CYB5B: variants seen among roughly 807,000 people sequenced by gnomAD.
The protein encoded by CYB5B is cytochrome b5 type B, also known as cytochrome b5 type B (outer mitochondrial membrane).
Under a neutral mutation model 21.3 loss-of-function variants are expected in CYB5B, and 14 were observed. The ratio of observed to expected loss-of-function variants is 0.66; its 90% CI spans 0.43 to 1.03. CYB5B has a LOEUF of 1.03. Ranked by LOEUF, CYB5B falls within the 50% of genes least tolerant of loss-of-function variation. The probability of loss-of-function intolerance (pLI) is 0.00; values close to 1 mark genes in which losing one functional copy is unlikely to be tolerated. For missense variants in CYB5B, 166 were observed against 185.1 expected, an observed-to-expected ratio of 0.90 and a Z score of 0.60; for synonymous variants, 69 against 68.4, an observed-to-expected ratio of 1.01 and a Z score of -0.04.
chr16:69,432,351 A>G (rs1210418001), intron 1 of CYB5B, among the ~76,000 whole-genome samples: 1 of 152,242 alleles, frequency 6.6e-6, no homozygotes, highest in Non-Finnish European at 1.5e-5. Flanking sequence ...ATGGTATTCA[A>G]TAAATTACAT....
chr16:69,441,231 G>A (rs1273883392), intron 1 of CYB5B, among the ~76,000 whole-genome samples: 2 of 145,898 alleles, frequency 1.4e-5, no homozygotes, highest in Non-Finnish European at 3.0e-5. Flanking sequence ...TCAGCTCACT[G>A]CAACCTCCGC....
intron 1 of CYB5B, among the ~76,000 whole-genome samples, chr16:69,435,844 G>C (rs1245750267): frequency 6.6e-6 from 1 of 152,056 alleles, no homozygotes; most frequent in Non-Finnish European, 1.5e-5. Context: ...TCCCCATGTT[G>C]GTCAGGCTGG....
chr16:69,451,553 A>G (rs1270015421), intron 3 of CYB5B, among the ~76,000 whole-genome samples: 2 of 152,154 alleles, frequency 1.3e-5, no homozygotes, highest in Non-Finnish European at 2.9e-5. Context: ...CTTGTAGTCA[A>G]ATAGGTCTAG....
At chr16:69,461,485 G>A (rs1208665235) in intron 4 of CYB5B, among the ~76,000 whole-genome samples, 1 of 152,184 alleles carries the variant, frequency 6.6e-6, no homozygotes, top group East Asian at 1.9e-4. Flanking sequence ...TAGGCAAAGA[G>A]AATCATTTTT....
At chr16:69,426,064 A>G (rs1336764112) in intron 1 of CYB5B, among the ~76,000 whole-genome samples, 1 of 152,192 alleles carries the variant, frequency 6.6e-6, no homozygotes, top group African/African-American at 2.4e-5. Flanking sequence ...AGAATTTACT[A>G]ACTTCTTGCA....
In CYB5B at chr16:69,424,730, A is replaced by C; in HGVS notation, c.47A>C (p.Lys16Thr). ...ATAEASGSDG[K>T]GQEVETSVTY... ...GCGGAAGCTAGCGGCAGCGATGGGA[A>C]AGGGCAGGAAGTCGAGACCTCAGTC... The change falls in exon 1 of 5, where the codon AAA (lysine) becomes ACA (threonine). Residue 16 changes from lysine to threonine, a missense_variant. Transcript: ENST00000307892. 1 of 1,598,212 alleles carries C rather than the reference A, an allele frequency of 6.3e-7. No individual in the cohort carries two copies. The highest frequency in any genetic ancestry group is 8.5e-7 in the Non-Finnish European group (1 of 1,172,556).
At chr16:69,429,425 A>G (rs769715120) in intron 1 of CYB5B, among the ~76,000 whole-genome samples, 7 of 152,074 alleles carry the variant, frequency 4.6e-5, no homozygotes, top group Non-Finnish European at 1.0e-4. Flanking sequence ...TGGTGCATTT[A>G]CAATCCTTTA....
At chr16:69,462,366 G>C in intron 4 of CYB5B, 64 bp from the exon 5 acceptor site, 1 of 1,314,374 alleles carries the variant, frequency 7.6e-7, no homozygotes, top group Non-Finnish European at 1.1e-6. Flanking sequence ...TGTGAAAGCT[G>C]AAAGATAGTG....
At chr16:69,425,912 A>AT (rs2142805514) in intron 1 of CYB5B, among the ~76,000 whole-genome samples, 1 of 152,238 alleles carries the variant, frequency 6.6e-6, no homozygotes, top group African/African-American at 2.4e-5. Flanking sequence ...CTAGTGAAAT[A>AT]TTTTTTCGAT....
intron 2 of CYB5B, among the ~76,000 whole-genome samples, chr16:69,447,509 G>T (rs1418705193): frequency 6.6e-6 from 1 of 152,062 alleles, no homozygotes; most frequent in African/African-American, 2.4e-5. Context: ...TGGGTGTGGT[G>T]GCGCACACTT....
Position 69,464,942 on chromosome 16 carries a change from C to T in CYB5B, c.*2422C>T, listed in dbSNP as rs565127064. ...ACTGTTATTTTGTTGCCTACAAAAA[C>T]AGCCAGGTGAAAGCTAAATCTTGTG... On this transcript the variant is annotated 3_prime_UTR_variant, in exon 5 of 5. Transcript: ENST00000307892. 6.5e-6 allele frequency: 1 copy of T among 152,772 alleles called. No individual in the cohort carries two copies. The highest frequency in any genetic ancestry group is 2.4e-5 in the African/African-American group (1 of 41,598). The allele number at this position is 152,772 out of a possible 1,614,324, so 9.5% of individuals were successfully genotyped here.
chr16:69,436,022 A>T (rs916143978), intron 1 of CYB5B, among the ~76,000 whole-genome samples: 2 of 152,220 alleles, frequency 1.3e-5, no homozygotes, highest in Non-Finnish European at 2.9e-5. Context: ...AAATAAGATG[A>T]GGCAGAATTT....
intron 1 of CYB5B, among the ~76,000 whole-genome samples, chr16:69,438,512 C>T (rs887289632): frequency 1.3e-5 from 2 of 150,146 alleles, no homozygotes; most frequent in African/African-American, 5.0e-5. Context: ...TTCCCACCAG[C>T]AATGTACAAA....
rs779431166 is a variant in CYB5B at position 69,447,214 on chromosome 16, A to T, written c.239A>T (p.Asp80Val). The T allele has an allele frequency of 1.9e-6, 3 of 1,612,760 alleles. No homozygotes were observed. The African/African-American group carries it at 4.0e-5, about 22-fold the overall frequency. ...AGVDASESFE[D>V]VGHSSDAREM... is the part of the protein sequence containing the mutation. ...GTAGATGCAAGTGAAAGCTTTGAAG[A>T]TGTAGGACACTCTTCTGATGCCAGA... Residue 80 changes from aspartate (D) to valine (V), a missense_variant, in exon 2 of 5, where the codon GAT becomes GTT. Coordinates refer to ENST00000307892, the MANE Select transcript of CYB5B (RefSeq NM_030579.3).
intron 1 of CYB5B, among the ~76,000 whole-genome samples, chr16:69,442,713 G>A (rs534251676): frequency 1.2e-4 from 18 of 151,902 alleles, no homozygotes; most frequent in Non-Finnish European, 2.1e-4. Flanking sequence ...TGGAGAACAA[G>A]GTCTTGCTTG....
At chr16:69,459,425 G>C in intron 4 of CYB5B, 1 of 275,614 alleles carries the variant, frequency 3.6e-6, no homozygotes, top group East Asian at 6.8e-5. Flanking sequence ...TATTGGGTCA[G>C]CCTTTAGTCC....
At chr16:69,454,779 G>A (rs1389156459) in intron 3 of CYB5B, among the ~76,000 whole-genome samples, 1 of 152,152 alleles carries the variant, frequency 6.6e-6, no homozygotes, top group Admixed American at 6.5e-5. Flanking sequence ...TAGCAATGTA[G>A]GAATTAAAAC....
At chr16:69,450,845 CCTT>C (rs1358240327) in intron 3 of CYB5B, among the ~76,000 whole-genome samples, 1 of 152,130 alleles carries the variant, frequency 6.6e-6, no homozygotes, top group East Asian at 1.9e-4. Flanking sequence ...TCCTTCTTCT[CCTT>C]CTTCTACTCC....
chr16:69,462,167 T>C (rs1209512995), intron 4 of CYB5B, among the ~76,000 whole-genome samples: 1 of 152,194 alleles, frequency 6.6e-6, no homozygotes, highest in Non-Finnish European at 1.5e-5. Context: ...CTATATGACT[T>C]TGTAGAAACA....
Sources: gnomAD v4.1 joint callset for allele counts (sites outside exome capture counted in the v4.1 genomes callset) on GRCh38, gnomAD v4.1.1 for gene constraint, MANE v1.5 for transcripts, NCBI Gene and HGNC (gene_info 2026-07-23, HGNC 2026-07-21) for gene names.